HMCN2: variants seen among roughly 807,000 people sequenced by gnomAD.
HMCN2 encodes the protein hemicentin 2.
A neutral mutation model predicts 377.5 loss-of-function variants in HMCN2; 325 were observed. The observed-to-expected ratio is 0.86, with a 90% confidence interval of 0.79 to 0.94. The LOEUF is 0.94. Among genes scored for constraint, HMCN2 ranks in the 40% least tolerant of loss-of-function variants. The probability of loss-of-function intolerance (pLI) is 0.00; values close to 1 mark genes in which losing one functional copy is unlikely to be tolerated. For synonymous variants in HMCN2, 2,007 were observed against 2,046.8 expected (o/e 0.98, Z 0.53); for missense variants, 4,543 against 4,725.3 (o/e 0.96, Z 1.13).
Position 130,398,503 on chromosome 9 carries a change from G to A in HMCN2, c.11327-48G>A, listed in dbSNP as rs944008597. 14 of 1,075,768 alleles carry A rather than the reference G, an allele frequency of 1.3e-5. No individual in the cohort carries two copies. The Admixed American group carries it at 2.2e-4, about 17-fold the overall frequency. The allele number at this position is 1,075,768 out of a possible 1,614,324, so 66.6% of individuals were successfully genotyped here. A position where few individuals can be genotyped will look rare whatever the true frequency, so the allele number is the denominator to read the frequency against. On this transcript the variant is annotated intron_variant, in intron 74 of 97. Coordinates refer to ENST00000683500, the MANE Select transcript of HMCN2 (RefSeq NM_001291815.2). ...TGGGCACAGCCTCAGAGAGCCCCCAGCCCCTGTGCCCCCTGCACCTGTCTC... is the reference window on the plus strand; with the variant it reads ...TGGGCACAGCCTCAGAGAGCCCCCAACCCCTGTGCCCCCTGCACCTGTCTC...
intron 1 of HMCN2, among the ~76,000 whole-genome samples, chr9:130,281,555 G>A (rs929544003): frequency 1.3e-5 from 2 of 151,388 alleles, no homozygotes; most frequent in African/African-American, 2.4e-5. Flanking sequence ...CCAGGATCGC[G>A]CCACTGCACT....
At chr9:130,298,416 C>T (rs977250586) in intron 7 of HMCN2, among the ~76,000 whole-genome samples, 6 of 152,062 alleles carry the variant, frequency 3.9e-5, no homozygotes, top group Non-Finnish European at 7.4e-5. Context: ...CTCAGCTACT[C>T]GGGAGGCTGA....
At chr9:130,390,845 G>A (rs549852894) in intron 62 of HMCN2, 132 bp from the exon 63 acceptor site, 1 of 496,724 alleles carries the variant, frequency 2.0e-6, no homozygotes, top group African/African-American at 2.1e-5. Context: ...AAATGAGGAA[G>A]GCTTCTAAGG....
Position 130,397,534 on chromosome 9 carries a change from A to T in HMCN2, c.11205A>T (p.Glu3735Asp). The change falls in exon 74 of 98, where the codon GAA becomes GAT. Residue 3735 changes from glutamate to aspartate, a missense_variant. Glu to Asp is a conservative substitution (Grantham distance 45, BLOSUM62 2). Around this residue, in one of 5 missense-constraint regions of HMCN2, gnomAD observed 1,073 missense variants for 1,319.5 expected, o/e 0.81. Transcript: ENST00000683500. ...CAACCCCCATCCATTCTAGGTTTGA[A>T]ATTCTGCCTGAGGGTTCCCTGAGAA... Reference protein sequence around the residue: ...VPLDPRSPRFEILPEGSLRIQ... With the variant: ...VPLDPRSPRFDILPEGSLRIQ... The T allele has an allele frequency of 7.8e-7, 1 of 1,289,792 alleles. No individual in the cohort carries two copies. The highest frequency in any genetic ancestry group is 1.0e-6 in the Non-Finnish European group (1 of 988,856). 79.9% of individuals were successfully genotyped at this position (1,289,792 alleles called of 1,614,324 possible).
chr9:130,356,369 G>A (rs1840027324), intron 34 of HMCN2, 112 bp downstream of exon 34: 3 of 1,068,066 alleles, frequency 2.8e-6, no homozygotes, highest in South Asian at 1.6e-5. Context: ...TTGCTGGATG[G>A]CGTTTCTGGG....
intron 22 of HMCN2, among the ~76,000 whole-genome samples, chr9:130,328,440 A>G (rs2131426157): frequency 6.6e-6 from 1 of 152,126 alleles, no homozygotes; most frequent in Non-Finnish European, 1.5e-5. Flanking sequence ...TGAAACGGGA[A>G]CCGCATTCCC....
intron 34 of HMCN2, among the ~76,000 whole-genome samples, 154 bp from the exon 35 acceptor site, chr9:130,357,680 G>A (rs549862165): frequency 3.3e-5 from 5 of 152,218 alleles, no homozygotes; most frequent in Admixed American, 6.5e-5. Context: ...TAAGCCATGC[G>A]TCTAGGGGAT....
Position 130,394,317 on chromosome 9 carries a change from G to A in HMCN2, c.10502-68G>A. The stretch of plus-strand genomic sequence containing the variant: ...GCAGAGCCCCTGGACTCAGCACAGT[G>A]TTTTCAAGTGCGGTGCTGTCCCGGA... On this transcript the variant is annotated intron_variant, in intron 68 of 97. Transcript: ENST00000683500. The surrounding 1 kb of genome is among the most constrained non-coding windows in gnomAD (Gnocchi z 5.1). The A allele has an allele frequency of 9.5e-7, 1 of 1,052,856 alleles. No homozygotes were observed. Among genetic ancestry groups the A allele is most frequent in the Non-Finnish European group, 1.3e-6 (1 of 783,758 alleles). 65.2% of individuals were successfully genotyped at this position (1,052,856 alleles called of 1,614,324 possible). A position where few individuals can be genotyped will look rare whatever the true frequency, so the allele number is the denominator to read the frequency against.
chr9:130,305,683 T>G (rs1486874834), intron 11 of HMCN2, among the ~76,000 whole-genome samples: 1 of 152,126 alleles, frequency 6.6e-6, no homozygotes, highest in African/African-American at 2.4e-5. Context: ...GCCTGTGAGC[T>G]CTTTTGAGTC....
chr9:130,357,292 G>A (rs897193876), intron 34 of HMCN2, among the ~76,000 whole-genome samples: 3 of 147,154 alleles, frequency 2.0e-5, no homozygotes, highest in Middle Eastern at 3.6e-3. Context: ...GTGGATGGAT[G>A]AATGAGTGGG....
intron 77 of HMCN2, among the ~76,000 whole-genome samples, chr9:130,401,293 CT>C (rs1445287479): frequency 6.6e-6 from 1 of 152,178 alleles, no homozygotes; most frequent in Non-Finnish European, 1.5e-5. Flanking sequence ...GGTGTTGAAA[CT>C]TCCTTTTCTT....
At chr9:130,302,162 C>T (rs1490994328) in intron 8 of HMCN2, among the ~76,000 whole-genome samples, 5 of 152,090 alleles carry the variant, frequency 3.3e-5, no homozygotes, top group African/African-American at 9.7e-5. Flanking sequence ...ATTCTCCTGC[C>T]TCAGCCTCCT....
At chr9:130,387,400 T>C (rs925862664) in intron 61 of HMCN2, among the ~76,000 whole-genome samples, 6 of 152,186 alleles carry the variant, frequency 3.9e-5, no homozygotes, top group Non-Finnish European at 8.8e-5. Context: ...CCGGGTTCCT[T>C]CCCTCCTGTT....
intron 54 of HMCN2, among the ~76,000 whole-genome samples, chr9:130,381,254 ACC>A (rs1841702069): frequency 6.6e-6 from 1 of 152,028 alleles, no homozygotes; most frequent in Admixed American, 6.6e-5. Flanking sequence ...TGGTCAAGCT[ACC>A]CACAGCCCGG....
At chr9:130,322,684 G>T (rs1470839798) in intron 19 of HMCN2, among the ~76,000 whole-genome samples, 1 of 152,098 alleles carries the variant, frequency 6.6e-6, no homozygotes, top group East Asian at 1.9e-4. Context: ...CTTTCCTTAG[G>T]ATAAACCCAT....
chr9:130,431,564 AC>A, intron 96 of HMCN2, 78 bp downstream of exon 96: 1 of 1,503,676 alleles, frequency 6.7e-7, no homozygotes. Context: ...GTGGCATCTT[AC>A]CTACTCCGTT....
chr9:130,408,770 T>C lies in HMCN2; in HGVS notation c.12716T>C (p.Phe4239Ser). The C allele has an allele frequency of 7.8e-7, 1 of 1,289,384 alleles. No homozygotes were observed. Among genetic ancestry groups the C allele is most frequent in the South Asian group, 1.2e-5 (1 of 80,994 alleles). 79.9% of individuals were successfully genotyped at this position (1,289,384 alleles called of 1,614,324 possible). A position where few individuals can be genotyped will look rare whatever the true frequency, so the allele number is the denominator to read the frequency against. Residue 4239 changes from phenylalanine (F) to serine (S), a missense_variant, in exon 84 of 98, where the codon TTC becomes TCC. Phe to Ser is a radical substitution (Grantham distance 155, BLOSUM62 -2). Coordinates refer to ENST00000683500, the MANE Select transcript of HMCN2 (RefSeq NM_001291815.2). ...GCTCCTGTCCTACAAGGGGAGGCTTTCTCCTACCTGGTGGAACCTGTAGGA... is the reference window on the plus strand; with the variant it reads ...GCTCCTGTCCTACAAGGGGAGGCTTCCTCCTACCTGGTGGAACCTGTAGGA... ...KEAPVLQGEA[F>S]SYLVEPVGGS...
At chr9:130,282,475 T>G (rs1554926064) in intron 1 of HMCN2, among the ~76,000 whole-genome samples, 1 of 152,208 alleles carries the variant, frequency 6.6e-6, no homozygotes, top group African/African-American at 2.4e-5. Context: ...GGCTGAGGAC[T>G]GAGCTGCTGC....
At chr9:130,398,506 C>T in intron 74 of HMCN2, 45 bp from the exon 75 acceptor site, 1 of 1,100,888 alleles carries the variant, frequency 9.1e-7, no homozygotes. Context: ...GCCCCCAGCC[C>T]CTGTGCCCCC....
Sources: gnomAD v4.1 joint callset for allele counts (sites outside exome capture counted in the v4.1 genomes callset) on GRCh38, gnomAD v4.1.1 for gene constraint, gnomAD v4.1.1 regional missense constraint, Gnocchi (gnomAD v3.1) non-coding constraint, MANE v1.5 for transcripts, NCBI Gene and HGNC (gene_info 2026-07-23, HGNC 2026-07-21) for gene names.